Variants in IGSF9B observed in about 807,000 individuals in gnomAD.
IGSF9B encodes protein turtle homolog B.
IGSF9B carries 48 observed loss-of-function variants against 143.7 expected under a neutral mutation model. The observed-to-expected ratio is 0.33, with a 90% CI of 0.26 to 0.42. IGSF9B has a LOEUF of 0.42. Ranked by LOEUF, IGSF9B falls within the 20% of genes least tolerant of loss-of-function variation. IGSF9B has a pLI of 1.00. For missense variants in IGSF9B, 1,706 were observed against 1,980.0 expected, an observed-to-expected ratio of 0.86 and a Z score of 2.63; for synonymous variants, 903 against 833.1, an observed-to-expected ratio of 1.08 and a Z score of -1.44.
chr11:133,946,233 G>A lies in IGSF9B; in HGVS notation c.90C>T (p.Pro30=), dbSNP rs760354851. The change falls in exon 2 of 20, where the codon CCC becomes CCT. Residue 30 remains proline, a synonymous_variant. Coordinates refer to ENST00000533871, the MANE Select transcript of IGSF9B (RefSeq NM_001277285.4). ...AEGAHGLREE[P]EFVTARAGES... ...CCCCAGCTCTTGCCGTCACAAACTC[G>A]GGCTCCTCTCGCAGGCCGTGGGCGC... 1.3e-5 allele frequency: 21 copies of A among 1,613,576 alleles called. No homozygotes were observed. Among genetic ancestry groups the A allele is most frequent in the Middle Eastern group, 1.6e-4 (1 of 6,062 alleles).
At chr11:133,944,514 C>T in intron 2 of IGSF9B, 148 bp from the exon 3 acceptor site, 1 of 827,924 alleles carries the variant, frequency 1.2e-6, no homozygotes. Flanking sequence ...CTGGCACCCA[C>T]CTCCAGCAGC....
chr11:133,934,225 C>G (rs1022960779), intron 7 of IGSF9B, among the ~76,000 whole-genome samples: 4 of 152,178 alleles, frequency 2.6e-5, no homozygotes, highest in Non-Finnish European at 4.4e-5. Context: ...CCTATGGCTT[C>G]GAGGAGGGGC....
rs774614118 is a variant in IGSF9B at position 133,920,543 on chromosome 11, A to G, written c.3182T>C (p.Leu1061Pro). 1 of 1,611,562 alleles carries G rather than the reference A, an allele frequency of 6.2e-7. No homozygotes were observed. The highest frequency in any genetic ancestry group is 2.2e-5 in the East Asian group (1 of 44,806). ...ETPAMMFPHQ[L>P]PPCDVPESLQ... The stretch of plus-strand genomic sequence containing the variant: ...ACTCTCGGGCACATCACAGGGTGGC[A>G]GCTGGTGGGGGAACATCATCGCTGG... Residue 1061 changes from leucine to proline, a missense_variant, in exon 18 of 20, where the codon CTG (leucine) becomes CCG (proline). Physicochemically the swap from Leu to Pro is moderately conservative, Grantham distance 98. Coordinates refer to ENST00000533871, the MANE Select transcript of IGSF9B (RefSeq NM_001277285.4).
intron 3 of IGSF9B, among the ~76,000 whole-genome samples, chr11:133,942,816 C>G (rs1440734542): frequency 6.6e-6 from 1 of 152,162 alleles, no homozygotes; most frequent in African/African-American, 2.4e-5. Flanking sequence ...ACAATCCCCC[C>G]AAGATTTCAA....
At chr11:133,930,836 C>G in intron 11 of IGSF9B, 148 bp downstream of exon 11, 4 of 777,536 alleles carry the variant, frequency 5.1e-6, no homozygotes, top group Non-Finnish European at 1.9e-6. Context: ...GCTGCCGGTG[C>G]TGGACGCGGA....
In IGSF9B at chr11:133,902,397, G is replaced by A. The variant is rs1168192662; in HGVS notation, c.*6672C>T. 2.2e-5 allele frequency among the ~76,000 whole-genome samples: 2 copies of A among 90,280 alleles called. No homozygotes were observed. The highest frequency in any genetic ancestry group is 3.9e-5 in the African/African-American group (1 of 25,348). 59.2% of individuals were successfully genotyped at this position (90,280 alleles called of 152,430 possible). ...CCACACACAACACACCACACAATACGCACAACACATACCACACACAATACA... is the reference window on the plus strand; with the variant it reads ...CCACACACAACACACCACACAATACACACAACACATACCACACACAATACA... On this transcript the variant is annotated 3_prime_UTR_variant, in exon 20 of 20. Transcript: ENST00000533871.
chr11:133,956,888 G>A lies in IGSF9B; in HGVS notation c.-134C>T. The A allele has an allele frequency of 2.2e-6, 1 of 451,296 alleles. No individual in the cohort carries two copies. The highest frequency in any genetic ancestry group is 3.8e-6 in the Non-Finnish European group (1 of 266,498). The allele number at this position is 451,296 out of a possible 1,614,324, so 28.0% of individuals were successfully genotyped here. A position where few individuals can be genotyped will look rare whatever the true frequency, so the allele number is the denominator to read the frequency against. On this transcript the variant is annotated 5_prime_UTR_variant, in exon 1 of 20. Transcript: ENST00000533871. ...CCCGCGCCGGTGCTCCTGCAGCCCG[G>A]GTGGCCAGCTCTCCATCCCTCCTAG...
In IGSF9B at chr11:133,901,939, A is replaced by AC. The variant is rs1939132174; in HGVS notation, c.*7129dup. On this transcript the variant is annotated 3_prime_UTR_variant, in exon 20 of 20. Coordinates refer to ENST00000533871, the MANE Select transcript of IGSF9B (RefSeq NM_001277285.4). ...CAACACACACCAAACCACACAACAC[A>AC]CACACACATCACACACATGCACACC... Among the ~76,000 whole-genome samples, 1 of 94,694 alleles carries AC rather than the reference A, an allele frequency of 1.1e-5. No individual in the cohort carries two copies. Among genetic ancestry groups the AC allele is most frequent in the Non-Finnish European group, 2.5e-5 (1 of 39,978 alleles). The allele number at this position is 94,694 out of a possible 152,430, so 62.1% of individuals were successfully genotyped here.
At chr11:133,940,096 C>T (rs559251831) in intron 3 of IGSF9B, among the ~76,000 whole-genome samples, 21 of 135,608 alleles carry the variant, frequency 1.5e-4, no homozygotes, top group African/African-American at 2.2e-4. Flanking sequence ...CGTCCCCGCA[C>T]GCATCATCAC....
At position 133,944,378 on chromosome 11, in the gene IGSF9B, G is replaced by C. The variant is rs1288848680; in HGVS notation, c.263-12C>G. On this transcript the variant is annotated splice_polypyrimidine_tract_variant and intron_variant, in intron 2 of 19. Transcript: ENST00000533871. ...AAGACTGGCCCGGCCTGGGGGAATA[G>C]AGCAGACAAAAGCCCCACAGGCCAT... is the stretch of plus-strand genomic sequence containing the variant. 2 of 1,612,440 alleles carry C rather than the reference G, an allele frequency of 1.2e-6. No individual in the cohort carries two copies. The highest frequency in any genetic ancestry group is 1.7e-6 in the Non-Finnish European group (2 of 1,179,746).
chr11:133,951,445 G>A (rs1449712851), intron 1 of IGSF9B, among the ~76,000 whole-genome samples: 5 of 152,370 alleles, frequency 3.3e-5, no homozygotes, highest in African/African-American at 1.2e-4. Context: ...AGGCACTGGG[G>A]AGGTGCAAGC....
chr11:133,930,958 C>A (rs768305845), intron 11 of IGSF9B, 26 bp downstream of exon 11: 6 of 1,590,002 alleles, frequency 3.8e-6, no homozygotes, highest in Non-Finnish European at 5.1e-6. Flanking sequence ...TCCCCGCCGC[C>A]CGGCCCAGCC....
rs571259060 is a variant in IGSF9B, at chr11:133,898,184, T to A, written c.*10885A>T. ...AGGAAGACCTGGCATGGATCGGGGG[T>A]CGCCCCCAAAGAAAGTGGAAGAAAG... On this transcript the variant is annotated 3_prime_UTR_variant, in exon 20 of 20. Transcript: ENST00000533871. 1 of 150,328 alleles carries A rather than the reference T, an allele frequency of 6.7e-6. No homozygotes were observed. Among genetic ancestry groups the A allele is most frequent in the East Asian group, 2.0e-4 (1 of 5,070 alleles). The allele number at this position is 150,328 out of a possible 1,614,324, so 9.3% of individuals were successfully genotyped here. A position where few individuals can be genotyped will look rare whatever the true frequency, so the allele number is the denominator to read the frequency against.
intron 1 of IGSF9B, among the ~76,000 whole-genome samples, chr11:133,950,660 G>C (rs1940141649): frequency 6.6e-6 from 1 of 152,336 alleles, no homozygotes; most frequent in East Asian, 1.9e-4. Flanking sequence ...ACTGGGGACA[G>C]GTTTTGCCAG....
chr11:133,897,340 TCTCA>T lies in IGSF9B; in HGVS notation c.*11725_*11728del, dbSNP rs796626247. ...TGTGCACCTGTGAGCTCTCTCCCGCTCTCACTCTCTTGCGTGCACACACGCACAC... is the reference window on the plus strand; with the variant it reads ...TGTGCACCTGTGAGCTCTCTCCCGCTCTCTCTTGCGTGCACACACGCACAC... On this transcript the variant is annotated 3_prime_UTR_variant, in exon 20 of 20. Transcript: ENST00000533871. The T allele has an allele frequency of 1.3e-4, 20 of 152,106 alleles. No individual in the cohort carries two copies. The highest frequency in any genetic ancestry group is 3.3e-4 in the Admixed American group (5 of 15,274). The allele number at this position is 152,106 out of a possible 1,614,324, so 9.4% of individuals were successfully genotyped here.
rs374819629 is a variant in IGSF9B, at chr11:133,931,599, A to T, written c.1252-30T>A. 19 of 1,609,972 alleles carry T rather than the reference A, an allele frequency of 1.2e-5. No individual in the cohort carries two copies. The African/African-American group carries it at 1.6e-4, about 14-fold the overall frequency. ...GGAGGAAAGCACAGGCACCCTCGTG[A>T]GGCCGGGGATCCAGGTGCCCAGCTC... On this transcript the variant is annotated intron_variant, in intron 9 of 19. Coordinates refer to ENST00000533871, the MANE Select transcript of IGSF9B (RefSeq NM_001277285.4). The surrounding 1 kb of genome is among the most constrained non-coding windows in gnomAD (Gnocchi z 7.7).
intron 3 of IGSF9B, among the ~76,000 whole-genome samples, chr11:133,938,257 C>T (rs930444878): frequency 2.0e-5 from 3 of 152,168 alleles, no homozygotes; most frequent in African/African-American, 7.2e-5. Flanking sequence ...CTCCCAGCTC[C>T]TCAGGCTTTG....
intron 18 of IGSF9B, among the ~76,000 whole-genome samples, chr11:133,918,397 C>CCGGA (rs371476726): frequency 6.6e-6 from 1 of 152,168 alleles, no homozygotes; most frequent in African/African-American, 2.4e-5. Context: ...ACAGCGAGCA[C>CCGGA]CGGACAGGCG....
rs1389755436 is a variant in IGSF9B, at chr11:133,931,836, G to C, written c.1111-41C>G. ...GATAGGGCAGGGAACGCTGGTCAGAGACTCCGCGCTCCATCCCAGGCTGGG... is the reference window on the plus strand; with the variant it reads ...GATAGGGCAGGGAACGCTGGTCAGACACTCCGCGCTCCATCCCAGGCTGGG... On this transcript the variant is annotated intron_variant, in intron 8 of 19. Coordinates refer to ENST00000533871, the MANE Select transcript of IGSF9B (RefSeq NM_001277285.4). The surrounding 1 kb of genome is among the most constrained non-coding windows in gnomAD (Gnocchi z 7.7). 1 of 1,604,342 alleles carries C rather than the reference G, an allele frequency of 6.2e-7. No individual in the cohort carries two copies. Among genetic ancestry groups the C allele is most frequent in the Non-Finnish European group, 8.5e-7 (1 of 1,176,668 alleles).
Sources: gnomAD v4.1 joint callset for allele counts (sites outside exome capture counted in the v4.1 genomes callset) on GRCh38, gnomAD v4.1.1 for gene constraint, Gnocchi (gnomAD v3.1) non-coding constraint, MANE v1.5 for transcripts, NCBI Gene and HGNC (gene_info 2026-07-23, HGNC 2026-07-21) for gene names.